The following DDX25 variants were observed in gnomAD, a reference collection of about 807,000 sequenced individuals.
DDX25 encodes the protein ATP-dependent RNA helicase DDX25.
DDX25 carries 70 observed loss-of-function variants against 64.6 expected under a neutral mutation model. That is an observed-to-expected ratio of 1.08 (90% CI 0.89 to 1.32). DDX25 has a LOEUF of 1.32. Ranked by LOEUF, DDX25 falls within the 40% of genes most tolerant of loss-of-function variation. The pLI is 0.00. For missense variants in DDX25, 587 were observed against 604.4 expected, an observed-to-expected ratio of 0.97 and a Z score of 0.30; for synonymous variants, 211 against 213.3, an observed-to-expected ratio of 0.99 and a Z score of 0.09.
In DDX25 at chr11:125,921,625, T is replaced by G; in HGVS notation, c.1390+246T>G. 2.5e-6 allele frequency: 1 copy of G among 403,772 alleles called. No homozygotes were observed. Among genetic ancestry groups the G allele is most frequent in the Non-Finnish European group, 4.4e-6 (1 of 225,368 alleles). 25.0% of individuals were successfully genotyped at this position (403,772 alleles called of 1,614,324 possible). ...ATGAGCTCAGGCCGGGTGTGGCAGCTCACACCTGTAATCCCAGCACTTTGG... is the reference window on the plus strand; with the variant it reads ...ATGAGCTCAGGCCGGGTGTGGCAGCGCACACCTGTAATCCCAGCACTTTGG... On this transcript the variant is annotated intron_variant, in intron 11 of 11. Coordinates refer to ENST00000263576, the MANE Select transcript of DDX25 (RefSeq NM_013264.5). The surrounding 1 kb of genome is among the most constrained non-coding windows in gnomAD (Gnocchi z 4.1).
At chr11:125,906,382 C>T (rs1358545229) in intron 4 of DDX25, among the ~76,000 whole-genome samples, 173 bp downstream of exon 4, 8 of 151,670 alleles carry the variant, frequency 5.3e-5, no homozygotes, top group African/African-American at 1.2e-4. Flanking sequence ...TGCAGTGATA[C>T]GATCTCGGCT....
Position 125,910,498 on chromosome 11 carries a change from T to C in DDX25, c.622+20T>C, listed in dbSNP as rs746871138. The C allele has an allele frequency of 1.2e-6, 2 of 1,607,180 alleles. No homozygotes were observed. The highest frequency in any genetic ancestry group is 2.2e-5 in the South Asian group (2 of 90,664). Reference sequence around the variant, plus strand: ...ATCGAAGTATGTACCAGTAAGCCAGTCCTGGCTGATTTTTCAAATCCTGGC... The same window carrying C: ...ATCGAAGTATGTACCAGTAAGCCAGCCCTGGCTGATTTTTCAAATCCTGGC... On this transcript the variant is annotated intron_variant, in intron 7 of 11. Coordinates refer to ENST00000263576, the MANE Select transcript of DDX25 (RefSeq NM_013264.5).
Position 125,906,118 on chromosome 11 carries a change from T to C in DDX25, c.220T>C (p.Ser74Pro), listed in dbSNP as rs1944881936. The change falls in exon 4 of 12, where the codon TCC (serine) becomes CCC (proline). Residue 74 changes from serine to proline, a missense_variant. By Grantham distance (74) the Ser-to-Pro change is moderately conservative (BLOSUM62 -1). Transcript: ENST00000263576. ...NSLLNKLIHQ[S>P]LVESSHRVEV... ...ACTCTTAAACAAGTTAATCCATCAA[T>C]CCTTAGTAGAATCCAGTCACCGTGT... 6.4e-7 allele frequency: 1 copy of C among 1,550,608 alleles called. No individual in the cohort carries two copies. Among genetic ancestry groups the C allele is most frequent in the South Asian group, 1.2e-5 (1 of 83,678 alleles).
Position 125,926,425 on chromosome 11 carries a change from T to C in DDX25, c.*3544T>C, listed in dbSNP as rs1591523886. 1 of 152,404 alleles carries C rather than the reference T, an allele frequency of 6.6e-6. No homozygotes were observed. The highest frequency in any genetic ancestry group is 1.9e-4 in the East Asian group (1 of 5,184). The allele number at this position is 152,404 out of a possible 1,614,324, so 9.4% of individuals were successfully genotyped here. Reference sequence around the variant, plus strand: ...ACAGACTATGAAATCATCACAGTCTTGTTCTATGCTACAGGGAATACGAAC... The same window carrying C: ...ACAGACTATGAAATCATCACAGTCTCGTTCTATGCTACAGGGAATACGAAC... On this transcript the variant is annotated 3_prime_UTR_variant, in exon 12 of 12. Transcript: ENST00000263576.
intron 3 of DDX25, 94 bp from the exon 4 acceptor site, chr11:125,905,980 A>G (rs937588833): frequency 2.1e-6 from 3 of 1,426,710 alleles, no homozygotes; most frequent in Non-Finnish European, 1.9e-6. Context: ...CGTAGGTGCA[A>G]TTGCTTGGTA....
chr11:125,918,864 C>A, intron 10 of DDX25, 74 bp downstream of exon 10: 2 of 1,447,424 alleles, frequency 1.4e-6, no homozygotes, highest in Non-Finnish European at 1.8e-6. Flanking sequence ...TGTACAGTTT[C>A]GCGAGTTTCG....
chr11:125,904,531 T>G lies in DDX25; in HGVS notation c.14T>G (p.Leu5Arg). The G allele has an allele frequency of 2.7e-6, 4 of 1,495,960 alleles. No homozygotes were observed. The highest frequency in any genetic ancestry group is 3.6e-6 in the Non-Finnish European group (4 of 1,123,394). 92.7% of individuals were successfully genotyped at this position (1,495,960 alleles called of 1,614,324 possible). A position where few individuals can be genotyped will look rare whatever the true frequency, so the allele number is the denominator to read the frequency against. Residue 5 changes from leucine (L) to arginine (R), a missense_variant, in exon 1 of 12, where the codon CTG (leucine) becomes CGG (arginine). Transcript: ENST00000263576. Reference protein sequence around the residue: MASLLWGGDAGAAES... With the variant: MASLRWGGDAGAAES... Reference sequence around the variant, plus strand: ...GCAATCGCAGCCATGGCGTCGTTACTGTGGGGAGGCGACGCAGGGGCGGCG... The same window carrying G: ...GCAATCGCAGCCATGGCGTCGTTACGGTGGGGAGGCGACGCAGGGGCGGCG...
chr11:125,905,204 C>T lies in DDX25; in HGVS notation c.64-8C>T, dbSNP rs777894799. The T allele has an allele frequency of 6.4e-7, 1 of 1,551,488 alleles. No homozygotes were observed. Among genetic ancestry groups the T allele is most frequent in the Admixed American group, 2.0e-5 (1 of 50,988 alleles). Reference sequence around the variant, plus strand: ...CTAATATTGGTTGAAATTTGTGTCTCTCAATAGTTTTCAAACCTCAGCCAA... The same window carrying T: ...CTAATATTGGTTGAAATTTGTGTCTTTCAATAGTTTTCAAACCTCAGCCAA... On this transcript the variant is annotated splice_region_variant and splice_polypyrimidine_tract_variant and intron_variant, in intron 1 of 11. Coordinates refer to ENST00000263576, the MANE Select transcript of DDX25 (RefSeq NM_013264.5).
At position 125,928,450 on chromosome 11, in the gene DDX25, C is replaced by T. The variant is rs531342542; in HGVS notation, c.*5569C>T. On this transcript the variant is annotated 3_prime_UTR_variant, in exon 12 of 12. Coordinates refer to ENST00000263576, the MANE Select transcript of DDX25 (RefSeq NM_013264.5). ...GTAAATATCTTCTCGCCCAATATTC[C>T]GAATTATTTCTTAAGATTAGAGACA... The T allele has an allele frequency of 3.3e-5, 5 of 152,190 alleles. No homozygotes were observed. The highest frequency in any genetic ancestry group is 9.6e-5 in the African/African-American group (4 of 41,508). The allele number at this position is 152,190 out of a possible 1,614,324, so 9.4% of individuals were successfully genotyped here.
In DDX25 at chr11:125,908,214, A is replaced by G. The variant is rs1301297215; in HGVS notation, c.330A>G (p.Lys110=). ...EELRLKEELL[K]GIYAMGFNRP... Reference sequence around the variant, plus strand: ...TTGACAGAAAGGAAGAGTTACTAAAAGGAATCTATGCAATGGGATTTAATA... The same window carrying G: ...TTGACAGAAAGGAAGAGTTACTAAAGGGAATCTATGCAATGGGATTTAATA... Residue 110 remains lysine (K), a synonymous_variant, in exon 5 of 12, where the codon AAA becomes AAG. Coordinates refer to ENST00000263576, the MANE Select transcript of DDX25 (RefSeq NM_013264.5). 1 of 1,608,012 alleles carries G rather than the reference A, an allele frequency of 6.2e-7. No individual in the cohort carries two copies. The highest frequency in any genetic ancestry group is 8.5e-7 in the Non-Finnish European group (1 of 1,177,138).
rs544539121 is a variant in DDX25, at chr11:125,910,404, C to G, written c.548C>G (p.Thr183Ser). 1.9e-6 allele frequency: 3 copies of G among 1,614,022 alleles called. No homozygotes were observed. The highest frequency in any genetic ancestry group is 2.2e-5 in the East Asian group (1 of 44,882). ...CCTACTTATGAATTGGCTCTGCAAA[C>G]TGGCCGTGTGGTTGAGCAGATGGGA... The part of the protein sequence containing the change: ...LAPTYELALQ[T>S]GRVVEQMGKF... Residue 183 changes from threonine (T) to serine (S), a missense_variant, in exon 7 of 12, where the codon ACT (threonine) becomes AGT (serine). Thr to Ser is a moderately conservative substitution (Grantham distance 58, BLOSUM62 1). Transcript: ENST00000263576.
At chr11:125,922,736 T>C (rs1179509719) in intron 11 of DDX25, 84 bp from the exon 12 acceptor site, 2 of 1,294,646 alleles carry the variant, frequency 1.5e-6, no homozygotes, top group Non-Finnish European at 2.1e-6. Context: ...ATACGAGGTA[T>C]CACTGTCTTC....
chr11:125,904,495 G>C, upstream of DDX25: 5 of 1,476,834 alleles, frequency 3.4e-6, no homozygotes, highest in Non-Finnish European at 4.5e-6. Flanking sequence ...CACGTGCTGG[G>C]GGCGGGAGCA....
chr11:125,917,244 T>A lies in DDX25; in HGVS notation c.1031T>A (p.Phe344Tyr). The change falls in exon 9 of 12, where the codon TTC becomes TAC. Residue 344 changes from phenylalanine to tyrosine, a missense_variant. By Grantham distance (22) the Phe-to-Tyr change is conservative. Coordinates refer to ENST00000263576, the MANE Select transcript of DDX25 (RefSeq NM_013264.5). ...GSITIGQAIIFCQTRRNAKWL... is the reference protein window; with the variant it reads ...GSITIGQAIIYCQTRRNAKWL... ...ATCACCATTGGTCAGGCCATCATCTTCTGCCAGGTACACTCTGTGGATGTG... is the reference window on the plus strand; with the variant it reads ...ATCACCATTGGTCAGGCCATCATCTACTGCCAGGTACACTCTGTGGATGTG... The A allele has an allele frequency of 1.2e-6, 2 of 1,601,964 alleles. No homozygotes were observed. Among genetic ancestry groups the A allele is most frequent in the Non-Finnish European group, 1.7e-6 (2 of 1,174,582 alleles).
At position 125,906,127 on chromosome 11, in the gene DDX25, G is replaced by A; in HGVS notation, c.229G>A (p.Glu77Lys). The change falls in exon 4 of 12, where the codon GAA becomes AAA. Residue 77 changes from glutamate to lysine, a missense_variant. Glu to Lys is a moderately conservative substitution (Grantham distance 56). Coordinates refer to ENST00000263576, the MANE Select transcript of DDX25 (RefSeq NM_013264.5). ...CAAGTTAATCCATCAATCCTTAGTA[G>A]AATCCAGTCACCGTGTGGAAGTTTT... is the stretch of plus-strand genomic sequence containing the variant. ...LNKLIHQSLVESSHRVEVLQK... is the reference protein window; with the variant it reads ...LNKLIHQSLVKSSHRVEVLQK... 2 of 1,551,172 alleles carry A rather than the reference G, an allele frequency of 1.3e-6. No homozygotes were observed. The highest frequency in any genetic ancestry group is 8.7e-7 in the Non-Finnish European group (1 of 1,146,858).
Position 125,906,218 on chromosome 11 carries a change from T to G in DDX25, c.311+9T>G. 6.5e-7 allele frequency: 1 copy of G among 1,530,432 alleles called. No individual in the cohort carries two copies. Among genetic ancestry groups the G allele is most frequent in the Non-Finnish European group, 8.8e-7 (1 of 1,141,060 alleles). The allele number at this position is 1,530,432 out of a possible 1,614,324, so 94.8% of individuals were successfully genotyped here. On this transcript the variant is annotated intron_variant, in intron 4 of 11. Transcript: ENST00000263576. ...TTTGAAGAGCTGCGGCTGTGAGTAT[T>G]TTTACTCTTTTAATATGGGAAAAAT...
Position 125,917,248 on chromosome 11 carries a change from C to G in DDX25, c.1035C>G (p.Cys345Trp). Residue 345 changes from cysteine (C) to tryptophan (W), a missense_variant, in exon 9 of 12, where the codon TGC becomes TGG. Transcript: ENST00000263576. Reference sequence around the variant, plus strand: ...CCATTGGTCAGGCCATCATCTTCTGCCAGGTACACTCTGTGGATGTGTCTT... The same window carrying G: ...CCATTGGTCAGGCCATCATCTTCTGGCAGGTACACTCTGTGGATGTGTCTT... ...SITIGQAIIF[C>W]QTRRNAKWLT... 1 of 1,599,384 alleles carries G rather than the reference C, an allele frequency of 6.3e-7. No individual in the cohort carries two copies. Among genetic ancestry groups the G allele is most frequent in the Non-Finnish European group, 8.5e-7 (1 of 1,173,366 alleles).
intron 9 of DDX25, among the ~76,000 whole-genome samples, chr11:125,918,310 A>T (rs1474112632): frequency 2.6e-5 from 4 of 152,210 alleles, no homozygotes; most frequent in Non-Finnish European, 4.4e-5. Flanking sequence ...GCACTCTTAG[A>T]GTGTCTGTTG....
At position 125,927,631 on chromosome 11, in the gene DDX25, C is replaced by T. The variant is rs527988896; in HGVS notation, c.*4750C>T. 6.6e-6 allele frequency: 1 copy of T among 152,128 alleles called. No individual in the cohort carries two copies. The highest frequency in any genetic ancestry group is 2.1e-4 in the South Asian group (1 of 4,828). The allele number at this position is 152,128 out of a possible 1,614,324, so 9.4% of individuals were successfully genotyped here. Reference sequence around the variant, plus strand: ...CTAGAAAGAATGGTACTGCCTCACTCCAGCTCCTTAGTGTGTGATCATGGC... The same window carrying T: ...CTAGAAAGAATGGTACTGCCTCACTTCAGCTCCTTAGTGTGTGATCATGGC... On this transcript the variant is annotated 3_prime_UTR_variant, in exon 12 of 12. Coordinates refer to ENST00000263576, the MANE Select transcript of DDX25 (RefSeq NM_013264.5).
Sources: gnomAD v4.1 joint callset for allele counts (sites outside exome capture counted in the v4.1 genomes callset) on GRCh38, gnomAD v4.1.1 for gene constraint, Gnocchi (gnomAD v3.1) non-coding constraint, MANE v1.5 for transcripts, NCBI Gene and HGNC (gene_info 2026-07-23, HGNC 2026-07-21) for gene names.